ORMDL1: variants seen among roughly 807,000 people sequenced by gnomAD.
ORMDL1 encodes the protein ORM1-like protein 1.
ORMDL1 carries 10 observed loss-of-function variants against 13.0 expected under a neutral mutation model. The ratio of observed to expected loss-of-function variants is 0.77; its 90% CI spans 0.47 to 1.30. The LOEUF is 1.30. Among genes scored for constraint, ORMDL1 ranks in the 50% most tolerant of loss-of-function variants. The probability of loss-of-function intolerance (pLI) is 0.00; values close to 1 mark genes in which losing one functional copy is unlikely to be tolerated. For synonymous variants in ORMDL1, 61 were observed against 63.9 expected, an observed-to-expected ratio of 0.95 and a Z score of 0.22; for missense variants, 171 against 186.7, an observed-to-expected ratio of 0.92 and a Z score of 0.49.
chr2:189,764,596 T>C, the ORMDL1 span: 2 of 152,196 alleles, frequency 1.3e-5, no homozygotes, highest in Non-Finnish European at 2.9e-5. Context: ...GAGAGGGTTA[T>C]TGGGGGAAAG....
chr2:189,775,428 A>C, intron 4 of ORMDL1, 137 bp downstream of exon 4: 1 of 941,888 alleles, frequency 1.1e-6, no homozygotes, highest in Non-Finnish European at 1.5e-6. Context: ...TTTTGTCTAT[A>C]TTTTATGTTC....
At chr2:189,782,269 C>G (rs1340150795) in intron 3 of ORMDL1, among the ~76,000 whole-genome samples, 153 bp downstream of exon 3, 1 of 152,192 alleles carries the variant, frequency 6.6e-6, no homozygotes, top group Non-Finnish European at 1.5e-5. Context: ...GCAATCATCA[C>G]CATTACCATC....
intron 2 of ORMDL1, 25 bp from the exon 3 acceptor site, chr2:189,782,627 A>G: frequency 6.3e-7 from 1 of 1,596,792 alleles, no homozygotes; most frequent in Non-Finnish European, 8.6e-7. Flanking sequence ...GAAATGAATC[A>G]ACACTGATAC....
At chr2:189,777,888 A>G (rs2047733143) in intron 3 of ORMDL1, among the ~76,000 whole-genome samples, 1 of 152,236 alleles carries the variant, frequency 6.6e-6, no homozygotes, top group African/African-American at 2.4e-5. Context: ...TTTTAAAGGC[A>G]TTCAATATGT....
downstream of ORMDL1, among the ~76,000 whole-genome samples, chr2:189,769,030 CTATTAA>C (rs1319270778): frequency 3.3e-5 from 5 of 152,064 alleles, no homozygotes; most frequent in Admixed American, 6.5e-5. Context: ...AAGTCCTCTT[CTATTAA>C]TATTATTATT....
Position 189,782,602 on chromosome 2 carries a change from T to TA in ORMDL1, c.-7-1_-7insT. On this transcript the variant is annotated splice_region_variant and 5_prime_UTR_variant. Coordinates refer to ENST00000392349, the MANE Select transcript of ORMDL1 (RefSeq NM_016467.5). ...GGGCAACTCCAACGTTCATGTTTGC[T>TA]CTGTAGGAAGTAATGAAATGAATCA... The TA allele has an allele frequency of 6.2e-7, 1 of 1,613,010 alleles. No homozygotes were observed. Among genetic ancestry groups the TA allele is most frequent in the East Asian group, 2.2e-5 (1 of 44,850 alleles).
chr2:189,772,880 T>A (rs2106141645), intron 4 of ORMDL1, among the ~76,000 whole-genome samples: 1 of 152,314 alleles, frequency 6.6e-6, no homozygotes, highest in South Asian at 2.1e-4. Flanking sequence ...TTTTATACAT[T>A]TTTAAAACCA....
chr2:189,781,520 G>A (rs2047830763), intron 3 of ORMDL1, among the ~76,000 whole-genome samples: 1 of 152,022 alleles, frequency 6.6e-6, no homozygotes, highest in African/African-American at 2.4e-5. Context: ...GTAACAAGCA[G>A]CAGCTAAGGC....
downstream of ORMDL1, among the ~76,000 whole-genome samples, chr2:189,769,136 C>T (rs2047530629): frequency 6.6e-6 from 1 of 152,110 alleles, no homozygotes; most frequent in African/African-American, 2.4e-5. Context: ...GTAATCCCAG[C>T]CTGACCAACA....
chr2:189,780,692 C>T (rs941744584), intron 3 of ORMDL1, among the ~76,000 whole-genome samples: 1 of 151,996 alleles, frequency 6.6e-6, no homozygotes, highest in Non-Finnish European at 1.5e-5. Flanking sequence ...AAATATATGC[C>T]GGTGAAAGTG....
At chr2:189,775,462 A>G (rs1195109437) in intron 4 of ORMDL1, 103 bp downstream of exon 4, 1 of 1,268,090 alleles carries the variant, frequency 7.9e-7, no homozygotes, top group East Asian at 2.5e-5. Context: ...ACTTATTGAT[A>G]GAAGTTTGCA....
At chr2:189,781,823 T>G (rs932591937) in intron 3 of ORMDL1, among the ~76,000 whole-genome samples, 5 of 152,222 alleles carry the variant, frequency 3.3e-5, no homozygotes, top group African/African-American at 1.2e-4. Context: ...TGGATTTTAT[T>G]GCATGTGAAT....
chr2:189,783,949 G>T (rs1240068088), intron 1 of ORMDL1: 1 of 152,392 alleles, frequency 6.6e-6, no homozygotes, highest in Non-Finnish European at 1.5e-5. Flanking sequence ...CCCCTCAGGG[G>T]AGTCCCCCCT....
chr2:189,777,572 A>G (rs1414031411), intron 3 of ORMDL1, among the ~76,000 whole-genome samples: 1 of 152,242 alleles, frequency 6.6e-6, no homozygotes, highest in South Asian at 2.1e-4. Context: ...ATCTGGCCAT[A>G]TATCTACTGC....
downstream of ORMDL1, among the ~76,000 whole-genome samples, chr2:189,767,703 C>G (rs2047505871): frequency 6.6e-6 from 1 of 152,150 alleles, no homozygotes; most frequent in Non-Finnish European, 1.5e-5. Flanking sequence ...GCCTTATCTG[C>G]TAAACTTAAC....
intron 4 of ORMDL1, among the ~76,000 whole-genome samples, chr2:189,772,292 C>G (rs929932108): frequency 3.3e-5 from 5 of 152,172 alleles, no homozygotes; most frequent in Non-Finnish European, 7.4e-5. Flanking sequence ...AGTTTTGTGA[C>G]TCACAGGTTA....
chr2:189,781,626 A>G (rs2047835278), intron 3 of ORMDL1, among the ~76,000 whole-genome samples: 1 of 152,192 alleles, frequency 6.6e-6, no homozygotes, highest in African/African-American at 2.4e-5. Flanking sequence ...ATAAGTTAAC[A>G]AGGATTGAAA....
downstream of ORMDL1, among the ~76,000 whole-genome samples, chr2:189,768,066 C>T (rs2047512215): frequency 6.6e-6 from 1 of 152,154 alleles, no homozygotes; most frequent in South Asian, 2.1e-4. Flanking sequence ...CTTGCTACAT[C>T]ACTGGATCTT....
downstream of ORMDL1, among the ~76,000 whole-genome samples, chr2:189,768,826 C>T (rs191616757): frequency 0.012 from 1,870 of 152,102 alleles, 30 homozygotes; most frequent in Admixed American, 0.014. Context: ...AGCAGAATTA[C>T]CAGGATAGTG....
Sources: gnomAD v4.1 joint callset for allele counts (sites outside exome capture counted in the v4.1 genomes callset) on GRCh38, gnomAD v4.1.1 for gene constraint, MANE v1.5 for transcripts, NCBI Gene and HGNC (gene_info 2026-07-23, HGNC 2026-07-21) for gene names.